Variants in CLINT1 observed in about 807,000 individuals in gnomAD.
CLINT1 encodes the protein clathrin interactor 1.
Under a neutral mutation model 70.4 loss-of-function variants are expected in CLINT1, and 15 were observed. The ratio of observed to expected loss-of-function variants is 0.21; its 90% CI spans 0.14 to 0.33. The LOEUF is 0.33. Ranked by LOEUF, CLINT1 falls within the 10% of genes least tolerant of loss-of-function variation. The pLI, the probability that CLINT1 is intolerant of heterozygous loss-of-function variation, is 1.00. For synonymous variants in CLINT1, 227 were observed against 254.7 expected (o/e 0.89, Z 1.04); for missense variants, 615 against 778.1 (o/e 0.79, Z 2.49).
At chr5:157,789,763 C>T (rs939113642) in intron 10 of CLINT1, 9 of 574,956 alleles carry the variant, frequency 1.6e-5, no homozygotes, top group African/African-American at 1.1e-4. Context: ...GTGGATAAAA[C>T]CAACAACTTA....
At chr5:157,796,778 A>G (rs1052926) in intron 8 of CLINT1, among the ~76,000 whole-genome samples, 20,361 of 152,164 alleles carry the variant, frequency 0.13, 1,792 homozygotes, top group African/African-American at 0.25. Flanking sequence ...TCAGTTTCTG[A>G]TATGTGTGTA....
intron 7 of CLINT1, among the ~76,000 whole-genome samples, chr5:157,805,584 T>C (rs1441255862): frequency 1.3e-5 from 2 of 152,180 alleles, no homozygotes; most frequent in South Asian, 2.1e-4. Context: ...ACCAGTATTG[T>C]CTAGATGGGG....
intron 6 of CLINT1, among the ~76,000 whole-genome samples, chr5:157,807,239 T>C (rs946339693): frequency 5.3e-5 from 8 of 152,090 alleles, no homozygotes; most frequent in Admixed American, 1.3e-4. Context: ...AGGGGTTAAA[T>C]ATATTTTTAT....
intron 1 of CLINT1, among the ~76,000 whole-genome samples, chr5:157,843,228 A>G (rs1163985247): frequency 2.0e-5 from 3 of 152,198 alleles, no homozygotes; most frequent in Non-Finnish European, 4.4e-5. Context: ...GCCTTTGTTC[A>G]TCTAAATTTT....
chr5:157,806,915 A>G (rs1266005886), intron 6 of CLINT1, among the ~76,000 whole-genome samples: 1 of 151,924 alleles, frequency 6.6e-6, no homozygotes, highest in Non-Finnish European at 1.5e-5. Context: ...TATCAGCCCT[A>G]GTCTGTTCTC....
At position 157,857,417 on chromosome 5, in the gene CLINT1, T is replaced by C. The variant is rs139375725; in HGVS notation, c.41+1513A>G. Among the ~76,000 whole-genome samples the C allele has an allele frequency of 4.3e-3, 648 of 152,236 alleles. 6 individuals carry two copies. The highest frequency in any genetic ancestry group is 0.012 in the African/African-American group (482 of 41,550). On this transcript the variant is annotated intron_variant, in intron 1 of 11. Transcript: ENST00000411809. ...AAATAGCTAAATAGTCCGAAATAAATAGCTGAAGCCTTAATAGCCAAATGA... is the reference window on the plus strand; with the variant it reads ...AAATAGCTAAATAGTCCGAAATAAACAGCTGAAGCCTTAATAGCCAAATGA...
Position 157,791,735 on chromosome 5 carries a change from C to T in CLINT1, c.1348G>A (p.Val450Met), listed in dbSNP as rs1352089924. Residue 450 changes from valine to methionine, a missense_variant, in exon 10 of 12, where the codon GTG becomes ATG. Physicochemically the swap from Val to Met is conservative, Grantham distance 21. Coordinates refer to ENST00000411809, the MANE Select transcript of CLINT1 (RefSeq NM_014666.4). ...MNFSMMSTNT[V>M]GLGLPMSRSQ... Reference sequence around the variant, plus strand: ...CTTGACATAGGCAAACCAAGTCCCACAGTGTTAGTGCTCATCATAGAGAAA... The same window carrying T: ...CTTGACATAGGCAAACCAAGTCCCATAGTGTTAGTGCTCATCATAGAGAAA... 1 of 1,613,632 alleles carries T rather than the reference C, an allele frequency of 6.2e-7. No individual in the cohort carries two copies. Among genetic ancestry groups the T allele is most frequent in the Admixed American group, 1.7e-5 (1 of 59,968 alleles).
Position 157,814,311 on chromosome 5 carries a change from A to T in CLINT1, c.244-18T>A. 1 of 1,511,700 alleles carries T rather than the reference A, an allele frequency of 6.6e-7. No individual in the cohort carries two copies. The highest frequency in any genetic ancestry group is 2.3e-5 in the East Asian group (1 of 43,974). The allele number at this position is 1,511,700 out of a possible 1,614,324, so 93.6% of individuals were successfully genotyped here. A position where few individuals can be genotyped will look rare whatever the true frequency, so the allele number is the denominator to read the frequency against. ...AGCAACGACTGCAAAAATACAAAGC[A>T]ATAAATGATTTAATGAAATATATTC... On this transcript the variant is annotated intron_variant, in intron 3 of 11. Transcript: ENST00000411809.
chr5:157,812,300 C>T (rs1762588170), intron 5 of CLINT1, among the ~76,000 whole-genome samples: 1 of 152,150 alleles, frequency 6.6e-6, no homozygotes, highest in Non-Finnish European at 1.5e-5. Context: ...CTAAGATACA[C>T]AGCACTGGCC....
At chr5:157,791,558 T>C in intron 10 of CLINT1, 145 bp downstream of exon 10, 1 of 747,222 alleles carries the variant, frequency 1.3e-6, no homozygotes, top group Non-Finnish European at 2.2e-6. Flanking sequence ...AATGTGCAAA[T>C]GCGTATATAT....
At chr5:157,819,225 C>CA (rs1227863176) in intron 1 of CLINT1, among the ~76,000 whole-genome samples, 2 of 152,054 alleles carry the variant, frequency 1.3e-5, no homozygotes, top group African/African-American at 4.8e-5. Context: ...TGTGACTTGC[C>CA]AAAAAACTGA....
At chr5:157,829,994 G>A (rs1402872834) in intron 1 of CLINT1, among the ~76,000 whole-genome samples, 2 of 151,606 alleles carry the variant, frequency 1.3e-5, no homozygotes, top group Non-Finnish European at 2.9e-5. Flanking sequence ...TGTCACTCAG[G>A]CTGGAGTGCA....
chr5:157,856,820 G>T (rs1271131969), intron 1 of CLINT1, among the ~76,000 whole-genome samples: 1 of 152,040 alleles, frequency 6.6e-6, no homozygotes, highest in African/African-American at 2.4e-5. Context: ...ATCCTAAATT[G>T]GGTAGTAAAA....
Position 157,858,996 on chromosome 5 carries a change from G to A in CLINT1, c.-26C>T, listed in dbSNP as rs1468334692. The A allele has an allele frequency of 6.2e-7, 1 of 1,604,332 alleles. No individual in the cohort carries two copies. Among genetic ancestry groups the A allele is most frequent in the Admixed American group, 1.7e-5 (1 of 59,344 alleles). ...CGTGCCCCGCGCGGGACGGTCCGCC[G>A]CCTCCCTCTCCTGCTCCCCACGGAC... On this transcript the variant is annotated 5_prime_UTR_variant, in exon 1 of 12. Transcript: ENST00000411809.
At position 157,847,207 on chromosome 5, in the gene CLINT1, G is replaced by A. The variant is rs183635000; in HGVS notation, c.41+11723C>T. Among the ~76,000 whole-genome samples the A allele has an allele frequency of 2.0e-5, 3 of 152,202 alleles. No homozygotes were observed. The East Asian group carries it at 5.8e-4, about 29-fold the overall frequency. On this transcript the variant is annotated intron_variant, in intron 1 of 11. Coordinates refer to ENST00000411809, the MANE Select transcript of CLINT1 (RefSeq NM_014666.4). ...GGAAAGAATTCACCATACTAGTTTT[G>A]CCATTAAGAATATTAGTGGCTGGGC...
intron 1 of CLINT1, among the ~76,000 whole-genome samples, chr5:157,848,780 C>A (rs1472633022): frequency 6.6e-6 from 1 of 152,116 alleles, no homozygotes; most frequent in Non-Finnish European, 1.5e-5. Flanking sequence ...TCCTGCCTCA[C>A]ACTCCTGAGT....
intron 8 of CLINT1, among the ~76,000 whole-genome samples, chr5:157,801,192 G>A (rs1407997834): frequency 6.6e-6 from 1 of 152,148 alleles, no homozygotes; most frequent in Non-Finnish European, 1.5e-5. Context: ...AGAAAAACGG[G>A]AAAGGGAATT....
intron 1 of CLINT1, among the ~76,000 whole-genome samples, chr5:157,855,036 C>T (rs921808063): frequency 3.3e-5 from 5 of 151,076 alleles, no homozygotes; most frequent in African/African-American, 1.2e-4. Flanking sequence ...CCCAGCTACT[C>T]GGGAGGCTGA....
intron 3 of CLINT1, among the ~76,000 whole-genome samples, chr5:157,815,120 T>TAC (rs150242169): frequency 0.081 from 11,487 of 142,122 alleles, 856 homozygotes; most frequent in African/African-American, 0.19. Context: ...TCTTCACACA[T>TAC]ACACACACAC....
Sources: allele counts gnomAD v4.1 joint callset (sites outside exome capture counted in the v4.1 genomes callset), GRCh38; gene constraint gnomAD v4.1.1; transcripts MANE v1.5; gene names NCBI Gene and HGNC (gene_info 2026-07-23, HGNC 2026-07-21).